The following PPFIA4 variants were observed in gnomAD, a reference collection of about 807,000 sequenced individuals.
The protein encoded by PPFIA4 is liprin-alpha-4.
In PPFIA4, 98 loss-of-function variants were observed where a neutral mutation model predicts 145.7. The ratio of observed to expected loss-of-function variants is 0.67; its 90% CI spans 0.57 to 0.80. The LOEUF is 0.80. PPFIA4 is among the 30% of genes least tolerant of loss of function. The pLI, the probability that PPFIA4 is intolerant of heterozygous loss-of-function variation, is 0.00. For synonymous variants in PPFIA4, 628 were observed against 649.6 expected, an observed-to-expected ratio of 0.97 and a Z score of 0.51; for missense variants, 1,457 against 1,632.7, an observed-to-expected ratio of 0.89 and a Z score of 1.85.
intron 1 of PPFIA4, chr1:203,034,728 G>A (rs1244041911): frequency 2.2e-6 from 1 of 456,622 alleles, no homozygotes; most frequent in Non-Finnish European, 4.4e-6. Context: ...TGGAGGAGGA[G>A]GACAGGGAAG....
Position 203,048,132 on chromosome 1 carries a change from C to T in PPFIA4, c.1141-95C>T. The T allele has an allele frequency of 8.4e-7, 1 of 1,194,878 alleles. No individual in the cohort carries two copies. The highest frequency in any genetic ancestry group is 1.2e-6 in the Non-Finnish European group (1 of 820,696). 74.0% of individuals were successfully genotyped at this position (1,194,878 alleles called of 1,614,324 possible). On this transcript the variant is annotated intron_variant, in intron 9 of 29. Transcript: ENST00000295706. This position sits in a 1 kb window ranked among gnomAD's most constrained non-coding sequence, Gnocchi z 5.8. ...GTCACTGGTACTGGGGGCCATGATC[C>T]CCAGGGCCACCCTGGCACCAGGGTG...
chr1:203,039,298 A>AGAG, intron 2 of PPFIA4, 56 bp downstream of exon 2: 1 of 1,336,992 alleles, frequency 7.5e-7, no homozygotes, highest in Non-Finnish European at 1.0e-6. Context: ...TAGCCCTGCT[A>AGAG]GATCCACTGG....
chr1:203,059,336 G>A, intron 20 of PPFIA4, 65 bp downstream of exon 20: 1 of 1,343,658 alleles, frequency 7.4e-7, no homozygotes, highest in Non-Finnish European at 1.0e-6. Flanking sequence ...CCCTTCCCCT[G>A]GGCTGCTGTG....
chr1:203,059,328 C>G (rs1388532464), intron 20 of PPFIA4, 57 bp downstream of exon 20: 1 of 1,376,818 alleles, frequency 7.3e-7, no homozygotes, highest in Non-Finnish European at 1.0e-6. Context: ...ACCCACTTCC[C>G]TTCCCCTGGG....
Position 203,060,125 on chromosome 1 carries a change from G to T in PPFIA4, c.2584-92G>T. 2 of 1,253,666 alleles carry T rather than the reference G, an allele frequency of 1.6e-6. No homozygotes were observed. Among genetic ancestry groups the T allele is most frequent in the Non-Finnish European group, 2.3e-6 (2 of 885,290 alleles). The allele number at this position is 1,253,666 out of a possible 1,614,324, so 77.7% of individuals were successfully genotyped here. ...ATCTGTATTTGCTATTCGAGTCCGTGGATGAGGCCTGGCCCTTGCCCCTTG... is the reference window on the plus strand; with the variant it reads ...ATCTGTATTTGCTATTCGAGTCCGTTGATGAGGCCTGGCCCTTGCCCCTTG... On this transcript the variant is annotated intron_variant, in intron 21 of 29. Transcript: ENST00000295706. This position sits in a 1 kb window ranked among gnomAD's most constrained non-coding sequence, Gnocchi z 4.8.
At chr1:203,063,056 A>G (rs997448411) in intron 24 of PPFIA4, 2 of 152,264 alleles carry the variant, frequency 1.3e-5, no homozygotes, top group Non-Finnish European at 2.9e-5. Context: ...GTAAAAGAGA[A>G]CAAAATAGAC....
rs1660359344 is a variant in PPFIA4, at chr1:203,049,721, C to T, written c.1465C>T (p.Gln489Ter). 1 of 1,590,148 alleles carries T rather than the reference C, an allele frequency of 6.3e-7. No individual in the cohort carries two copies. Among genetic ancestry groups the T allele is most frequent in the Non-Finnish European group, 8.6e-7 (1 of 1,167,548 alleles). Reference sequence around the variant, plus strand: ...TGAGAAGCTGCGCCAAGAGGTGGACCAGCTGAAGGGCCGAGGGGGGCCGTT... The same window carrying T: ...TGAGAAGCTGCGCCAAGAGGTGGACTAGCTGAAGGGCCGAGGGGGGCCGTT... ...EIEKLRQEVD[Q>*]LKGRGGPFVD... The change falls in exon 13 of 30, where the codon CAG becomes TAG. Residue 489 changes from glutamine to a stop codon, truncating the protein, a stop_gained. Coordinates refer to ENST00000295706, the MANE Select transcript of PPFIA4 (RefSeq NM_001304331.2). LOFTEE classifies it high-confidence loss of function.
chr1:203,032,435 TG>T (rs1553253618), intron 1 of PPFIA4, among the ~76,000 whole-genome samples: 13 of 150,590 alleles, frequency 8.6e-5, no homozygotes, highest in East Asian at 2.0e-4. Flanking sequence ...GCTTTTTTGT[TG>T]TTGTTGTTGT....
rs59234837 is a variant in PPFIA4, at chr1:203,031,182, C to G, written c.-400+4553C>G. 4.1e-4 allele frequency among the ~76,000 whole-genome samples: 62 copies of G among 152,240 alleles called. No individual in the cohort carries two copies. The East Asian group carries it at 0.011, about 27-fold the overall frequency. Reference sequence around the variant, plus strand: ...AAGTGCTCCTCCCACCTCAGTCTCCCGAGTAGCTGGGAATACAGGTGCATG... The same window carrying G: ...AAGTGCTCCTCCCACCTCAGTCTCCGGAGTAGCTGGGAATACAGGTGCATG... On this transcript the variant is annotated intron_variant, in intron 1 of 29. Coordinates refer to ENST00000295706, the MANE Select transcript of PPFIA4 (RefSeq NM_001304331.2).
intron 27 of PPFIA4, among the ~76,000 whole-genome samples, chr1:203,071,315 G>A (rs948112505): frequency 6.0e-5 from 9 of 151,060 alleles, no homozygotes; most frequent in Admixed American, 2.0e-4. Flanking sequence ...GACTACAGGC[G>A]CCTGCCACAC....
chr1:203,051,588 A>G, intron 13 of PPFIA4, 181 bp from the exon 14 acceptor site: 1 of 1,153,910 alleles, frequency 8.7e-7, no homozygotes, highest in East Asian at 2.9e-5. Flanking sequence ...CTGGAGCACC[A>G]GGGCATACGT....
Position 203,049,683 on chromosome 1 carries a change from T to C in PPFIA4, c.1427T>C (p.Leu476Pro). The change falls in exon 13 of 30, where the codon CTG (leucine) becomes CCG (proline). Residue 476 changes from leucine to proline, a missense_variant. Physicochemically the swap from Leu to Pro is moderately conservative, Grantham distance 98. Around this residue, in one of 3 missense-constraint regions of PPFIA4, gnomAD observed 848 missense variants for 1,046.7 expected, o/e 0.81. Transcript: ENST00000295706. ...IEEQHHHKGR[L>P]SEEIEKLRQE... is the part of the protein sequence containing the mutation. The stretch of plus-strand genomic sequence containing the variant: ...CCGGGTCTGCTGGCACAGGGCCGCC[T>C]GTCTGAAGAGATTGAGAAGCTGCGC... 6.8e-7 allele frequency: 1 copy of C among 1,463,742 alleles called. No individual in the cohort carries two copies. The highest frequency in any genetic ancestry group is 1.9e-5 in the Admixed American group (1 of 51,806). 90.7% of individuals were successfully genotyped at this position (1,463,742 alleles called of 1,614,324 possible).
chr1:203,075,910 T>C lies in PPFIA4; in HGVS notation c.3574+153T>C, dbSNP rs1662502845. 1.2e-6 allele frequency: 1 copy of C among 808,982 alleles called. No individual in the cohort carries two copies. The highest frequency in any genetic ancestry group is 3.0e-5 in the South Asian group (1 of 33,316). The allele number at this position is 808,982 out of a possible 1,614,324, so 50.1% of individuals were successfully genotyped here. A position where few individuals can be genotyped will look rare whatever the true frequency, so the allele number is the denominator to read the frequency against. On this transcript the variant is annotated intron_variant, in intron 29 of 29. Coordinates refer to ENST00000295706, the MANE Select transcript of PPFIA4 (RefSeq NM_001304331.2). The surrounding 1 kb of genome is among the most constrained non-coding windows in gnomAD (Gnocchi z 4.1). Reference sequence around the variant, plus strand: ...CTGCACTAACGCTCCGCGGGGAGCGTGTGTGCGCACTAACCCGCCGCTCTG... The same window carrying C: ...CTGCACTAACGCTCCGCGGGGAGCGCGTGTGCGCACTAACCCGCCGCTCTG...
chr1:203,028,150 A>G (rs1658551700), intron 1 of PPFIA4, among the ~76,000 whole-genome samples: 6 of 152,168 alleles, frequency 3.9e-5, no homozygotes, highest in Admixed American at 3.9e-4. Flanking sequence ...TCTCTGGAAG[A>G]TGGAATAGTG....
rs1374263154 is a variant in PPFIA4, at chr1:203,054,007, G to GGGGCCC, written c.1829+47_1829+52dup. On this transcript the variant is annotated intron_variant, in intron 15 of 29. Transcript: ENST00000295706. Reference sequence around the variant, plus strand: ...CTTGGGAAGTGCATTGAAGGGCAGGGGGGCCCTTTGTGTTGGAAAAACCCT... The same window carrying GGGGCCC: ...CTTGGGAAGTGCATTGAAGGGCAGGGGGGCCCGGGCCCTTTGTGTTGGAAAAACCCT... The GGGGCCC allele has an allele frequency of 5.2e-6, 8 of 1,536,244 alleles. No individual in the cohort carries two copies. In the African/African-American group the frequency reaches 1.1e-4, roughly 21 times the overall value.
In PPFIA4 at chr1:203,048,724, G is replaced by A. The variant is rs1292379288; in HGVS notation, c.1356+10G>A. The stretch of plus-strand genomic sequence containing the variant: ...TGCCCTGGAGGAGAAGGTGCCCAGA[G>A]GGGCGGGGTTGGGATGCGAGAGGTT... On this transcript the variant is annotated intron_variant, in intron 11 of 29. Coordinates refer to ENST00000295706, the MANE Select transcript of PPFIA4 (RefSeq NM_001304331.2). This position sits in a 1 kb window ranked among gnomAD's most constrained non-coding sequence, Gnocchi z 5.8. The A allele has an allele frequency of 6.2e-7, 1 of 1,610,496 alleles. No individual in the cohort carries two copies. Among genetic ancestry groups the A allele is most frequent in the African/African-American group, 1.3e-5 (1 of 74,980 alleles).
intron 13 of PPFIA4, 39 bp from the exon 14 acceptor site, chr1:203,051,730 C>T: frequency 6.3e-7 from 1 of 1,576,828 alleles, no homozygotes. Context: ...GGTCTCAGTC[C>T]TCAGGGCCTG....
At position 203,075,841 on chromosome 1, in the gene PPFIA4, G is replaced by A; in HGVS notation, c.3574+84G>A. 1 of 1,285,086 alleles carries A rather than the reference G, an allele frequency of 7.8e-7. No individual in the cohort carries two copies. Among genetic ancestry groups the A allele is most frequent in the Non-Finnish European group, 1.0e-6 (1 of 996,224 alleles). The allele number at this position is 1,285,086 out of a possible 1,614,324, so 79.6% of individuals were successfully genotyped here. ...GCACCCCAGGGCCGGGCCGGGTGGA[G>A]AGGGGCGAGGCCGAGGCTGGTGCCC... On this transcript the variant is annotated intron_variant, in intron 29 of 29. Transcript: ENST00000295706. The surrounding 1 kb of genome is among the most constrained non-coding windows in gnomAD (Gnocchi z 4.1).
chr1:203,051,182 T>C (rs1448445334), intron 13 of PPFIA4: 16 of 985,292 alleles, frequency 1.6e-5, no homozygotes, highest in Non-Finnish European at 1.8e-5. Flanking sequence ...TGGGGCAAAG[T>C]ATTTTCTCTG....
Sources: gnomAD v4.1 joint callset for allele counts (sites outside exome capture counted in the v4.1 genomes callset) on GRCh38, gnomAD v4.1.1 for gene constraint, gnomAD v4.1.1 regional missense constraint, Gnocchi (gnomAD v3.1) non-coding constraint, MANE v1.5 for transcripts, NCBI Gene and HGNC (gene_info 2026-07-23, HGNC 2026-07-21) for gene names.